Variants in PTPRE observed in about 807,000 individuals in gnomAD.
PTPRE encodes the protein receptor-type tyrosine-protein phosphatase epsilon.
In PTPRE, 51 loss-of-function variants were observed where a neutral mutation model predicts 102.0. The observed-to-expected ratio is 0.50, with a 90% CI of 0.40 to 0.63. The LOEUF is 0.63. PTPRE is among the 30% of genes least tolerant of loss of function. The pLI is 0.00. For synonymous variants in PTPRE, 345 were observed against 348.2 expected, an observed-to-expected ratio of 0.99 and a Z score of 0.10; for missense variants, 752 against 915.1, an observed-to-expected ratio of 0.82 and a Z score of 2.30.
At chr10:127,917,636 G>C (rs906786249) in intron 1 of PTPRE, among the ~76,000 whole-genome samples, 7 of 152,306 alleles carry the variant, frequency 4.6e-5, no homozygotes, top group Admixed American at 3.9e-4. Flanking sequence ...CTGTACTCCA[G>C]CCTTGGTGAC....
chr10:127,988,804 T>A (rs1202363878), intron 2 of PTPRE, among the ~76,000 whole-genome samples: 1 of 152,220 alleles, frequency 6.6e-6, no homozygotes, highest in Non-Finnish European at 1.5e-5. Context: ...GTAAGAAACC[T>A]GCACACATAC....
intron 2 of PTPRE, among the ~76,000 whole-genome samples, chr10:128,036,589 C>G (rs570060163): frequency 6.2e-4 from 95 of 152,174 alleles, no homozygotes; most frequent in African/African-American, 2.2e-3. Context: ...TTGTCCTTGT[C>G]TCAGCTAATG....
intron 1 of PTPRE, among the ~76,000 whole-genome samples, chr10:127,952,147 A>G (rs1441545557): frequency 6.6e-6 from 1 of 152,308 alleles, no homozygotes; most frequent in South Asian, 2.1e-4. Context: ...AGGAATCTTG[A>G]TCACTTTTCC....
At chr10:127,958,141 A>G (rs2135376431) in intron 1 of PTPRE, among the ~76,000 whole-genome samples, 1 of 152,314 alleles carries the variant, frequency 6.6e-6, no homozygotes, top group South Asian at 2.1e-4. Flanking sequence ...TAATCTGTGA[A>G]CAAAAATATT....
At chr10:127,970,316 G>A (rs2135422078) in intron 1 of PTPRE, among the ~76,000 whole-genome samples, 1 of 152,302 alleles carries the variant, frequency 6.6e-6, no homozygotes, top group African/African-American at 2.4e-5. Context: ...TGGAAGGACG[G>A]TAAGGTCTTT....
chr10:128,015,435 C>T (rs1564884934), intron 2 of PTPRE, among the ~76,000 whole-genome samples: 2 of 152,132 alleles, frequency 1.3e-5, no homozygotes, highest in Non-Finnish European at 2.9e-5. Context: ...GGCGTGATCT[C>T]GGCTCACTGC....
chr10:128,023,142 C>G (rs559228838), intron 2 of PTPRE, among the ~76,000 whole-genome samples: 18 of 152,232 alleles, frequency 1.2e-4, no homozygotes, highest in Non-Finnish European at 2.5e-4. Context: ...ACGTGACTTC[C>G]ATGACAGTAT....
intron 1 of PTPRE, among the ~76,000 whole-genome samples, chr10:127,977,173 GGGAAAAACTGGA>G (rs1437618327): frequency 1.3e-5 from 2 of 152,120 alleles, no homozygotes; most frequent in Non-Finnish European, 2.9e-5. Flanking sequence ...AGTGTCTTTT[GGGAAAAACTGGA>G]GTCCAAGAGA....
intron 3 of PTPRE, 96 bp from the exon 4 acceptor site, chr10:128,047,294 G>A: frequency 6.8e-7 from 1 of 1,468,142 alleles, no homozygotes. Context: ...TATAGTTTGG[G>A]GTTCTGGTGT....
intron 1 of PTPRE, among the ~76,000 whole-genome samples, chr10:127,941,523 T>A (rs2135292804): frequency 6.6e-6 from 1 of 152,338 alleles, no homozygotes; most frequent in Non-Finnish European, 1.5e-5. Flanking sequence ...GTCTTCTGAT[T>A]TTTCAAGAGA....
At chr10:128,076,539 A>C in intron 17 of PTPRE, 64 bp from the exon 18 acceptor site, 2 of 1,497,992 alleles carry the variant, frequency 1.3e-6, no homozygotes, top group Non-Finnish European at 1.8e-6. Flanking sequence ...CTGTGTTATA[A>C]ACTCAAAATC....
intron 2 of PTPRE, chr10:127,999,151 C>T (rs966964720): frequency 3.9e-5 from 6 of 152,012 alleles, no homozygotes; most frequent in Non-Finnish European, 8.8e-5. Flanking sequence ...TCTGCTGTGC[C>T]ACATCATGCC....
intron 2 of PTPRE, among the ~76,000 whole-genome samples, chr10:127,996,167 G>C (rs1029365404): frequency 6.6e-6 from 1 of 152,172 alleles, no homozygotes; most frequent in Non-Finnish European, 1.5e-5. Flanking sequence ...GGAAGGGAGA[G>C]AGCTTCTCTA....
chr10:127,928,003 T>C (rs1247926975), intron 1 of PTPRE, among the ~76,000 whole-genome samples: 1 of 152,224 alleles, frequency 6.6e-6, no homozygotes, highest in Non-Finnish European at 1.5e-5. Flanking sequence ...GCTAACACAA[T>C]TGATGCACTC....
intron 1 of PTPRE, among the ~76,000 whole-genome samples, chr10:127,966,725 A>T (rs369977440): frequency 2.0e-5 from 3 of 152,302 alleles, no homozygotes; most frequent in South Asian, 4.1e-4. Context: ...GTAACTGCCC[A>T]GGCTGCTCTG....
Position 128,043,838 on chromosome 10 carries a change from A to G in PTPRE, c.109+2848A>G, listed in dbSNP as rs560246992. On this transcript the variant is annotated intron_variant, in intron 3 of 20. Transcript: ENST00000254667. ...ATCTGGGCTGACATGGAAACTCTCC[A>G]AGACAGACAGCCGTACCAGAAAAGC... is the stretch of plus-strand genomic sequence containing the variant. Among the ~76,000 whole-genome samples the G allele has an allele frequency of 1.4e-3, 207 of 152,344 alleles. 5 individuals are homozygous for G. Among genetic ancestry groups the G allele is most frequent in the Non-Finnish European group, 1.3e-3 (86 of 68,040 alleles).
chr10:127,928,191 C>T (rs557584813), intron 1 of PTPRE, among the ~76,000 whole-genome samples: 23 of 152,312 alleles, frequency 1.5e-4, no homozygotes, highest in African/African-American at 5.5e-4. Flanking sequence ...TCACTGTTTA[C>T]GCTTATCTGG....
At chr10:127,962,841 C>T (rs1849935264) in intron 1 of PTPRE, among the ~76,000 whole-genome samples, 1 of 152,206 alleles carries the variant, frequency 6.6e-6, no homozygotes, top group Non-Finnish European at 1.5e-5. Flanking sequence ...GTCCACGGTG[C>T]TGAGGTGGAG....
chr10:128,082,977 C>G lies in PTPRE; in HGVS notation c.*71C>G. 1 of 1,338,232 alleles carries G rather than the reference C, an allele frequency of 7.5e-7. No homozygotes were observed. The highest frequency in any genetic ancestry group is 1.6e-5 in the South Asian group (1 of 64,404). The allele number at this position is 1,338,232 out of a possible 1,614,324, so 82.9% of individuals were successfully genotyped here. ...TTGTAAAAATCATGTTAATTTATTT[C>G]ATAGTTGACATTAATATCTTCCCTA... On this transcript the variant is annotated 3_prime_UTR_variant, in exon 21 of 21. Transcript: ENST00000254667.
Sources: allele counts gnomAD v4.1 joint callset (sites outside exome capture counted in the v4.1 genomes callset), GRCh38; gene constraint gnomAD v4.1.1; transcripts MANE v1.5; gene names NCBI Gene and HGNC (gene_info 2026-07-23, HGNC 2026-07-21).